KDM6A: variants seen among roughly 807,000 people sequenced by gnomAD.
KDM6A encodes the protein lysine demethylase 6A, also known as lysine-specific demethylase 6A.
In KDM6A, 11 loss-of-function variants were observed where a neutral mutation model predicts 117.6. That is an observed-to-expected ratio of 0.09 (90% CI 0.06 to 0.15). KDM6A has a LOEUF of 0.15. Among genes scored for constraint, KDM6A ranks in the 10% least tolerant of loss-of-function variants. The pLI is 1.00. For synonymous variants in KDM6A, 384 were observed against 396.1 expected, an observed-to-expected ratio of 0.97 and a Z score of 0.36; for missense variants, 799 against 1,077.3, an observed-to-expected ratio of 0.74 and a Z score of 3.62.
Position 45,043,351 on chromosome X carries a change from T to A in KDM6A, c.654+5662T>A, listed in dbSNP as rs1037811690. Among the ~76,000 whole-genome samples the A allele has an allele frequency of 1.8e-4, 20 of 111,662 alleles. No individual in the cohort carries two copies. In the East Asian group the frequency reaches 3.6e-3, roughly 20 times the overall value. Reference sequence around the variant, plus strand: ...AGATATGAGTAAAGGATTAAAAAAATTTTTTTGTTGAATTTAATAATAGGC... The same window carrying A: ...AGATATGAGTAAAGGATTAAAAAAAATTTTTTGTTGAATTTAATAATAGGC... On this transcript the variant is annotated intron_variant, in intron 8 of 29. Coordinates refer to ENST00000611820, the MANE Select transcript of KDM6A (RefSeq NM_001291415.2).
At chrX:44,877,089 G>A (rs1443961345) in intron 2 of KDM6A, among the ~76,000 whole-genome samples, 4 of 111,189 alleles carry the variant, frequency 3.6e-5, no homozygotes, top group Non-Finnish European at 7.5e-5. Flanking sequence ...ATGCATATGC[G>A]TATGTATACG....
intron 4 of KDM6A, among the ~76,000 whole-genome samples, chrX:45,009,587 T>TCC (rs1181739144): frequency 8.9e-6 from 1 of 111,954 alleles, no homozygotes; most frequent in Non-Finnish European, 1.9e-5. Flanking sequence ...ACCCAGCCCC[T>TCC]ATTCAAGATG....
At chrX:45,035,365 G>A (rs896101375) in intron 7 of KDM6A, among the ~76,000 whole-genome samples, 1 of 111,797 alleles carries the variant, frequency 8.9e-6, no homozygotes, top group Non-Finnish European at 1.9e-5. Context: ...TACTGCGTGG[G>A]ATAAAAATTA....
At chrX:44,953,213 C>T (rs1004681027) in intron 2 of KDM6A, among the ~76,000 whole-genome samples, 4 of 111,512 alleles carry the variant, frequency 3.6e-5, no homozygotes, top group African/African-American at 1.3e-4. Flanking sequence ...TCCTACTCTG[C>T]GGATCTCAGC....
intron 19 of KDM6A, among the ~76,000 whole-genome samples, chrX:45,077,573 TC>T (rs1331956278): frequency 3.6e-5 from 4 of 110,535 alleles, no homozygotes; most frequent in Non-Finnish European, 7.6e-5. Flanking sequence ...TATTAATTCT[TC>T]CTCCAACCAG....
At chrX:44,894,776 G>A (rs1421102243) in intron 2 of KDM6A, among the ~76,000 whole-genome samples, 1 of 102,911 alleles carries the variant, frequency 9.7e-6, no homozygotes. Context: ...CTTCATGCCC[G>A]GCTAGTTTTT....
intron 2 of KDM6A, among the ~76,000 whole-genome samples, chrX:44,942,967 CAT>C (rs757034306): frequency 2.7e-5 from 3 of 111,130 alleles, no homozygotes; most frequent in East Asian, 2.8e-4. Context: ...TACACTATGT[CAT>C]GTGTAGAATG....
Position 45,082,714 on chromosome X carries a change from G to A in KDM6A, c.3366-1G>A, listed in dbSNP as rs1374292312. ...TTCTAATACTGTGTCTCTTTTTTAAGTTCTGGGAGGAGGAGGAAAGGACCC... is the reference window on the plus strand; with the variant it reads ...TTCTAATACTGTGTCTCTTTTTTAAATTCTGGGAGGAGGAGGAAAGGACCC... On this transcript the variant is annotated splice_acceptor_variant, in intron 22 of 29. Coordinates refer to ENST00000611820, the MANE Select transcript of KDM6A (RefSeq NM_001291415.2). LOFTEE classifies it high-confidence loss of function. 1 of 1,201,369 alleles carries A rather than the reference G, an allele frequency of 8.3e-7. No individual in the cohort carries two copies. The highest frequency in any genetic ancestry group is 1.1e-6 in the Non-Finnish European group (1 of 886,630).
At chrX:44,953,399 G>A (rs183717334) in intron 2 of KDM6A, among the ~76,000 whole-genome samples, 10 of 111,860 alleles carry the variant, frequency 8.9e-5, no homozygotes, top group Admixed American at 7.6e-4. Flanking sequence ...TCAGCCTTCA[G>A]TCTGTGTAAA....
rs78749806 is a variant in KDM6A at position 45,047,674 on chromosome X, C to CTTTTTTTTT, written c.655-4014_655-4006dup. Among the ~76,000 whole-genome samples the CTTTTTTTTT allele has an allele frequency of 4.3e-3, 156 of 36,361 alleles. 43 individuals are homozygous for CTTTTTTTTT. Among genetic ancestry groups the CTTTTTTTTT allele is most frequent in the East Asian group, 6.6e-3 (6 of 907 alleles). The allele number at this position is 36,361 out of a possible 115,157, so 31.6% of individuals were successfully genotyped here. A position where few individuals can be genotyped will look rare whatever the true frequency, so the allele number is the denominator to read the frequency against. On this transcript the variant is annotated intron_variant, in intron 8 of 29. Coordinates refer to ENST00000611820, the MANE Select transcript of KDM6A (RefSeq NM_001291415.2). Reference sequence around the variant, plus strand: ...TCAAATATCTGCTTGCTTTTTTTTTCTTTTTTTTTTTTTTTTTTTTTTTTT... The same window carrying CTTTTTTTTT: ...TCAAATATCTGCTTGCTTTTTTTTTCTTTTTTTTTTTTTTTTTTTTTTTTTTTTTTTTTT...
intron 3 of KDM6A, among the ~76,000 whole-genome samples, chrX:44,972,902 G>T (rs2147253126): frequency 9.1e-6 from 1 of 110,176 alleles, no homozygotes; most frequent in African/African-American, 3.3e-5. Flanking sequence ...GGGCATGGTG[G>T]CACGCGCCTG....
chrX:44,906,119 C>CT (rs1427514891), intron 2 of KDM6A, among the ~76,000 whole-genome samples: 6 of 111,465 alleles, frequency 5.4e-5, no homozygotes, highest in Non-Finnish European at 1.1e-4. Context: ...CTCCATATAA[C>CT]TTTTAAACCC....
chrX:44,979,611 T>C (rs1158317431), intron 4 of KDM6A, among the ~76,000 whole-genome samples: 4 of 111,558 alleles, frequency 3.6e-5, no homozygotes, highest in African/African-American at 1.3e-4. Flanking sequence ...ACTTTTTTTT[T>C]CTTTTACAGT....
At chrX:45,103,012 GTT>G (rs2046388033) in intron 27 of KDM6A, among the ~76,000 whole-genome samples, 1 of 110,752 alleles carries the variant, frequency 9.0e-6, no homozygotes, top group Non-Finnish European at 1.9e-5. Context: ...ACCTCTTGGT[GTT>G]CGTTAAGTTA....
At chrX:44,991,339 T>C (rs201156681) in intron 4 of KDM6A, among the ~76,000 whole-genome samples, 1 of 110,051 alleles carries the variant, frequency 9.1e-6, no homozygotes, top group African/African-American at 3.3e-5. Context: ...CTCTCTCTCT[T>C]TCTCTCTTTC....
intron 2 of KDM6A, among the ~76,000 whole-genome samples, chrX:44,911,169 G>A (rs1396130655): frequency 9.3e-6 from 1 of 107,780 alleles, no homozygotes; most frequent in African/African-American, 3.4e-5. Context: ...GCCGGGCGGG[G>A]GCTGCCCCCC....
intron 2 of KDM6A, among the ~76,000 whole-genome samples, chrX:44,937,137 G>A: frequency 9.1e-6 from 1 of 110,132 alleles, no homozygotes. Flanking sequence ...TTTAAAGTGA[G>A]GATGTGGCAT....
chrX:45,000,701 G>A (rs1046000235), intron 4 of KDM6A, among the ~76,000 whole-genome samples: 3 of 112,960 alleles, frequency 2.7e-5, no homozygotes, highest in African/African-American at 9.6e-5. Context: ...GTTGGGAGAC[G>A]GAAGTTGGAT....
chrX:44,940,697 C>T (rs2037256206), intron 2 of KDM6A, among the ~76,000 whole-genome samples: 2 of 111,843 alleles, frequency 1.8e-5, no homozygotes, highest in Middle Eastern at 4.6e-3. Flanking sequence ...AATCATTGTA[C>T]AAAAATGCTT....
Sources: allele counts gnomAD v4.1 joint callset (sites outside exome capture counted in the v4.1 genomes callset), GRCh38; gene constraint gnomAD v4.1.1; transcripts MANE v1.5; gene names NCBI Gene and HGNC (gene_info 2026-07-23, HGNC 2026-07-21).